Variants in MSRA observed in about 807,000 individuals in gnomAD.
MSRA encodes mitochondrial peptide methionine sulfoxide reductase.
A neutral mutation model predicts 31.3 loss-of-function variants in MSRA; 54 were observed. That is an observed-to-expected ratio of 1.73 (90% CI 1.39 to 2.17). The LOEUF (loss-of-function observed/expected upper bound fraction) is 2.17, where lower values mean the gene tolerates loss of function less well. Ranked by LOEUF, MSRA falls within the 30% of genes most tolerant of loss-of-function variation. The pLI, the probability that MSRA is intolerant of heterozygous loss-of-function variation, is 0.00. For synonymous variants in MSRA, 169 were observed against 116.5 expected (o/e 1.45, Z -2.90); for missense variants, 507 against 300.9 (o/e 1.69, Z -5.07).
At chr8:10,083,094 A>C (rs1310052690) in intron 1 of MSRA, among the ~76,000 whole-genome samples, 1 of 143,414 alleles carries the variant, frequency 7.0e-6, no homozygotes. Context: ...TGTTGCATAC[A>C]TAGCATTTAA....
intron 5 of MSRA, among the ~76,000 whole-genome samples, chr8:10,392,890 C>CAAAAAAAAAAAAAAAAAAAAA (rs869085304): frequency 3.5e-5 from 4 of 113,282 alleles, no homozygotes; most frequent in Non-Finnish European, 6.7e-5. Flanking sequence ...ACTAAAAATG[C>CAAAAAAAAAAAAAAAAAAAAA]AAAAAAAAAA....
chr8:10,111,085 G>A (rs998251754), intron 1 of MSRA, among the ~76,000 whole-genome samples: 3 of 152,210 alleles, frequency 2.0e-5, no homozygotes, highest in Non-Finnish European at 4.4e-5. Flanking sequence ...TTGACCAAGT[G>A]TAGCATCTTA....
rs1184991397 is a variant in MSRA at position 10,417,419 on chromosome 8, GACACAC to G, written c.544-10707_544-10702del. Among the ~76,000 whole-genome samples, 53 of 145,482 alleles carry G rather than the reference GACACAC, an allele frequency of 3.6e-4. 1 individual carries two copies. Among genetic ancestry groups the G allele is most frequent in the African/African-American group, 8.1e-4 (32 of 39,282 alleles). On this transcript the variant is annotated intron_variant, in intron 5 of 5. Coordinates refer to ENST00000317173, the MANE Select transcript of MSRA (RefSeq NM_012331.5). ...AGAAGCACTCATCCCTTCGTCAGAA[GACACAC>G]ACACACACACACACACACACATACG...
intron 5 of MSRA, among the ~76,000 whole-genome samples, chr8:10,372,952 G>A (rs772798369): frequency 2.4e-4 from 37 of 152,314 alleles, no homozygotes; most frequent in Non-Finnish European, 3.8e-4. Flanking sequence ...GCAGTGCTGC[G>A]ATCTCGGCCC....
rs552337299 is a variant in MSRA at position 10,131,152 on chromosome 8, G to A, written c.142+76494G>A. Among the ~76,000 whole-genome samples, 10 of 152,286 alleles carry A rather than the reference G, an allele frequency of 6.6e-5. No individual in the cohort carries two copies. The East Asian group carries it at 7.7e-4, about 12-fold the overall frequency. On this transcript the variant is annotated intron_variant, in intron 1 of 5. Coordinates refer to ENST00000317173, the MANE Select transcript of MSRA (RefSeq NM_012331.5). ...GGGCACTGATCATGTGCTGGGTCCT[G>A]TGGATACAAAGGGGAATCCTCTGTG...
intron 1 of MSRA, among the ~76,000 whole-genome samples, chr8:10,151,274 A>AT (rs1803649151): frequency 6.6e-6 from 1 of 150,704 alleles, no homozygotes; most frequent in African/African-American, 2.4e-5. Context: ...AAAAAAAAAA[A>AT]AAAAAAAAAA....
Position 10,390,156 on chromosome 8 carries a change from G to C in MSRA, c.544-37992G>C, listed in dbSNP as rs576664169. 3.2e-4 allele frequency among the ~76,000 whole-genome samples: 48 copies of C among 152,366 alleles called. 1 individual carries two copies. Among genetic ancestry groups the C allele is most frequent in the Non-Finnish European group, 5.0e-4 (34 of 68,042 alleles). ...ATTCCTGGTGATCCAGGCTGTGCCA[G>C]TCTCTGTACCTTGGGGAGTGCTCGG... On this transcript the variant is annotated intron_variant, in intron 5 of 5. Coordinates refer to ENST00000317173, the MANE Select transcript of MSRA (RefSeq NM_012331.5).
At chr8:10,349,921 C>T (rs1804020230) in intron 5 of MSRA, among the ~76,000 whole-genome samples, 1 of 152,248 alleles carries the variant, frequency 6.6e-6, no homozygotes, top group African/African-American at 2.4e-5. Flanking sequence ...CCTTTTGTTA[C>T]AGACACACAT....
intron 1 of MSRA, among the ~76,000 whole-genome samples, chr8:10,146,882 C>T (rs1215918957): frequency 6.6e-6 from 1 of 152,070 alleles, no homozygotes; most frequent in East Asian, 1.9e-4. Flanking sequence ...TTTGCAAAAC[C>T]TATTTGCAAA....
intron 1 of MSRA, among the ~76,000 whole-genome samples, chr8:10,167,468 T>G (rs1422150162): frequency 6.6e-6 from 1 of 152,202 alleles, no homozygotes; most frequent in Non-Finnish European, 1.5e-5. Context: ...TTTGGGGGGT[T>G]GTTTATCAGC....
chr8:10,119,718 T>A (rs1009026098), intron 1 of MSRA, among the ~76,000 whole-genome samples: 7 of 151,846 alleles, frequency 4.6e-5, no homozygotes. Flanking sequence ...GGAGGAGAGA[T>A]GAGGTGGTGG....
intron 3 of MSRA, among the ~76,000 whole-genome samples, chr8:10,248,094 A>C (rs1797719407): frequency 6.6e-6 from 1 of 152,206 alleles, no homozygotes; most frequent in African/African-American, 2.4e-5. Flanking sequence ...ATAAACAAAC[A>C]AACAAACAAA....
intron 1 of MSRA, among the ~76,000 whole-genome samples, chr8:10,207,244 G>T (rs563151750): frequency 6.6e-6 from 1 of 152,160 alleles, no homozygotes; most frequent in African/African-American, 2.4e-5. Context: ...GACCTGGGTG[G>T]GGGGATAAGG....
chr8:10,144,206 C>T (rs1049084728), intron 1 of MSRA, among the ~76,000 whole-genome samples: 11 of 152,122 alleles, frequency 7.2e-5, no homozygotes, highest in Admixed American at 2.6e-4. Flanking sequence ...AGGTGCATAT[C>T]GCTAGTCGTA....
intron 3 of MSRA, among the ~76,000 whole-genome samples, chr8:10,300,381 G>A (rs536317322): frequency 3.9e-5 from 6 of 151,984 alleles, no homozygotes; most frequent in East Asian, 1.9e-4. Flanking sequence ...TCAGCGTCCC[G>A]AGTAGCTGGG....
At chr8:10,346,879 C>T (rs1334867443) in intron 5 of MSRA, among the ~76,000 whole-genome samples, 3 of 152,162 alleles carry the variant, frequency 2.0e-5, no homozygotes, top group African/African-American at 7.2e-5. Flanking sequence ...GGTTGGCTCC[C>T]TGGGCTGGTT....
intron 2 of MSRA, among the ~76,000 whole-genome samples, chr8:10,220,287 CCTGCA>C (rs1281241807): frequency 2.0e-5 from 3 of 152,160 alleles, no homozygotes; most frequent in Non-Finnish European, 4.4e-5. Flanking sequence ...AACAGTGGTG[CCTGCA>C]GATGGATGTC....
chr8:10,244,336 G>A (rs1462384143), intron 2 of MSRA, among the ~76,000 whole-genome samples: 2 of 152,158 alleles, frequency 1.3e-5, no homozygotes, highest in Non-Finnish European at 2.9e-5. Flanking sequence ...CATTTGCGAC[G>A]TGCGTGAGTG....
intron 3 of MSRA, among the ~76,000 whole-genome samples, chr8:10,252,544 G>T (rs1387353726): frequency 6.6e-6 from 1 of 152,188 alleles, no homozygotes; most frequent in Non-Finnish European, 1.5e-5. Flanking sequence ...GCCTGCAGGA[G>T]CCCAGGACTT....
Sources: gnomAD v4.1 joint callset for allele counts (sites outside exome capture counted in the v4.1 genomes callset) on GRCh38, gnomAD v4.1.1 for gene constraint, MANE v1.5 for transcripts, NCBI Gene and HGNC (gene_info 2026-07-23, HGNC 2026-07-21) for gene names.